The following ZBTB16 variants were observed in gnomAD, a reference collection of about 807,000 sequenced individuals.
ZBTB16 encodes the protein zinc finger and BTB domain containing 16.
A neutral mutation model predicts 56.8 loss-of-function variants in ZBTB16; 8 were observed. That is an observed-to-expected ratio of 0.14 (90% CI 0.08 to 0.25). The LOEUF is 0.25. ZBTB16 is among the 10% of genes least tolerant of loss of function. The probability of loss-of-function intolerance (pLI) is 1.00; values close to 1 mark genes in which losing one functional copy is unlikely to be tolerated. For synonymous variants in ZBTB16, 363 were observed against 368.5 expected (o/e 0.98, Z 0.17); for missense variants, 625 against 903.0 (o/e 0.69, Z 3.95).
In ZBTB16 at chr11:114,252,454, T is replaced by C. The variant is rs1026967538; in HGVS notation, c.*1899T>C. ...TTGTTTTTCTAAAAGCTACCTCTTATGTTTGTCCAGTTGTTCTTTTGTTCC... is the reference window on the plus strand; with the variant it reads ...TTGTTTTTCTAAAAGCTACCTCTTACGTTTGTCCAGTTGTTCTTTTGTTCC... On this transcript the variant is annotated 3_prime_UTR_variant, in exon 7 of 7. Transcript: ENST00000335953. Among the ~76,000 whole-genome samples the C allele has an allele frequency of 1.3e-5, 2 of 152,156 alleles. No homozygotes were observed. The highest frequency in any genetic ancestry group is 1.5e-5 in the Non-Finnish European group (1 of 67,988).
At chr11:114,214,957 G>T (rs1944067328) in intron 4 of ZBTB16, among the ~76,000 whole-genome samples, 1 of 151,676 alleles carries the variant, frequency 6.6e-6, no homozygotes, top group Non-Finnish European at 1.5e-5. Context: ...GGGGTGGAGG[G>T]ATTTGGAAGC....
intron 3 of ZBTB16, among the ~76,000 whole-genome samples, chr11:114,166,152 G>A (rs565277418): frequency 3.3e-5 from 5 of 151,776 alleles, no homozygotes; most frequent in Middle Eastern, 3.4e-3. Context: ...GCTCTCCTGC[G>A]TTCTTGGGGC....
intron 2 of ZBTB16, among the ~76,000 whole-genome samples, chr11:114,150,903 C>T (rs1388188783): frequency 6.6e-6 from 1 of 152,186 alleles, no homozygotes; most frequent in African/African-American, 2.4e-5. Flanking sequence ...GGGCCCAAGG[C>T]TGCATGTCAG....
At chr11:114,095,431 T>G (rs1292763245) in intron 2 of ZBTB16, among the ~76,000 whole-genome samples, 1 of 151,888 alleles carries the variant, frequency 6.6e-6, no homozygotes, top group Non-Finnish European at 1.5e-5. Flanking sequence ...CAGCTAATTT[T>G]TTGTATATTT....
chr11:114,192,175 C>A (rs1029255305), intron 4 of ZBTB16, among the ~76,000 whole-genome samples: 1 of 152,168 alleles, frequency 6.6e-6, no homozygotes, highest in African/African-American at 2.4e-5. Flanking sequence ...ATCTGAGTCT[C>A]AGTGTTCCTT....
At chr11:114,233,887 G>A (rs899888140) in intron 4 of ZBTB16, among the ~76,000 whole-genome samples, 1 of 152,156 alleles carries the variant, frequency 6.6e-6, no homozygotes, top group Non-Finnish European at 1.5e-5. Flanking sequence ...ACGGTTTTCC[G>A]GGAGCCAGCT....
chr11:114,199,076 C>T (rs1361175053), intron 4 of ZBTB16, among the ~76,000 whole-genome samples: 3 of 152,252 alleles, frequency 2.0e-5, no homozygotes, highest in South Asian at 2.1e-4. Context: ...GAGTGTTTCT[C>T]GATGCCAGAC....
intron 4 of ZBTB16, among the ~76,000 whole-genome samples, chr11:114,223,179 C>G (rs1273845899): frequency 6.6e-6 from 1 of 152,282 alleles, no homozygotes; most frequent in Middle Eastern, 3.4e-3. Flanking sequence ...TGAATGACTC[C>G]TCATCAGGAA....
chr11:114,192,908 GC>G (rs1161128165), intron 4 of ZBTB16, among the ~76,000 whole-genome samples: 2 of 152,236 alleles, frequency 1.3e-5, no homozygotes, highest in Non-Finnish European at 2.9e-5. Context: ...CAGGGAGCCA[GC>G]TGCCCTCTCA....
At chr11:114,066,276 T>C (rs1415298925) in intron 2 of ZBTB16, among the ~76,000 whole-genome samples, 1 of 152,180 alleles carries the variant, frequency 6.6e-6, no homozygotes, top group African/African-American at 2.4e-5. Context: ...GAGGCTTAAC[T>C]TGTGGAAAGT....
chr11:114,163,791 A>T (rs895345926), intron 3 of ZBTB16, among the ~76,000 whole-genome samples: 2 of 152,102 alleles, frequency 1.3e-5, no homozygotes, highest in African/African-American at 4.8e-5. Flanking sequence ...GGATCCCAGC[A>T]TCTCCTCCCA....
At chr11:114,155,454 G>A (rs1942385680) in intron 2 of ZBTB16, among the ~76,000 whole-genome samples, 1 of 146,706 alleles carries the variant, frequency 6.8e-6, no homozygotes, top group South Asian at 2.1e-4. Context: ...GGTGGGAGAG[G>A]CCCCGGGTTG....
chr11:114,063,707 C>A lies in ZBTB16; in HGVS notation c.407C>A (p.Thr136Asn), dbSNP rs772299551. ...TCAGACGACAATGACACGGAGGCCA[C>A]CATGGCCGATGGCGGGGCCGAGGAA... ...QASDDNDTEA[T>N]MADGGAEEEE... Residue 136 changes from threonine to asparagine, a missense_variant, in exon 2 of 7, where the codon ACC (threonine) becomes AAC (asparagine). Thr to Asn is a moderately conservative substitution (Grantham distance 65, BLOSUM62 0). Coordinates refer to ENST00000335953, the MANE Select transcript of ZBTB16 (RefSeq NM_006006.6). This position sits in a 1 kb window ranked among gnomAD's most constrained non-coding sequence, Gnocchi z 6.5. The A allele has an allele frequency of 6.2e-7, 1 of 1,614,090 alleles. No homozygotes were observed. Among genetic ancestry groups the A allele is most frequent in the Non-Finnish European group, 8.5e-7 (1 of 1,180,046 alleles).
Position 114,124,706 on chromosome 11 carries a change from G to A in ZBTB16, c.1269-31631G>A, listed in dbSNP as rs138628057. Among the ~76,000 whole-genome samples, 774 of 152,304 alleles carry A rather than the reference G, an allele frequency of 5.1e-3. 12 individuals carry two copies. Among genetic ancestry groups the A allele is most frequent in the African/African-American group, 0.016 (673 of 41,566 alleles). On this transcript the variant is annotated intron_variant, in intron 2 of 6. Coordinates refer to ENST00000335953, the MANE Select transcript of ZBTB16 (RefSeq NM_006006.6). The stretch of plus-strand genomic sequence containing the variant: ...CCTGAAACCTGAGCTTCATGTACCA[G>A]AAGGAGACAGTTAAGCCAAGTCAGG...
In ZBTB16 at chr11:114,063,085, C is replaced by A; in HGVS notation, c.-90-126C>A. 1.7e-6 allele frequency: 1 copy of A among 595,754 alleles called. No homozygotes were observed. 36.9% of individuals were successfully genotyped at this position (595,754 alleles called of 1,614,324 possible). On this transcript the variant is annotated intron_variant, in intron 1 of 6. Transcript: ENST00000335953. The surrounding 1 kb of genome is among the most constrained non-coding windows in gnomAD (Gnocchi z 6.5). Reference sequence around the variant, plus strand: ...AATTAAAATCTCTAAGATCCTCTTGCTAAGGGCTTGGCAACAGGGAGGAGG... The same window carrying A: ...AATTAAAATCTCTAAGATCCTCTTGATAAGGGCTTGGCAACAGGGAGGAGG...
At chr11:114,138,692 T>C (rs2852797) in intron 2 of ZBTB16, among the ~76,000 whole-genome samples, 8,089 of 149,910 alleles carry the variant, frequency 0.054, 321 homozygotes, top group South Asian at 0.12. Context: ...TTTTAAATTA[T>C]TTTTTATTTT....
At chr11:114,206,528 T>C (rs1244940888) in intron 4 of ZBTB16, among the ~76,000 whole-genome samples, 1 of 152,200 alleles carries the variant, frequency 6.6e-6, no homozygotes, top group Non-Finnish European at 1.5e-5. Context: ...AGTCAGGGTC[T>C]GCACCAGGGC....
chr11:114,207,108 T>C (rs546292452), intron 4 of ZBTB16, among the ~76,000 whole-genome samples: 3 of 152,180 alleles, frequency 2.0e-5, no homozygotes, highest in Non-Finnish European at 4.4e-5. Flanking sequence ...GTGCTTGGCC[T>C]CATGTGTTAC....
In ZBTB16 at chr11:114,083,724, G is replaced by A. The variant is rs74877559; in HGVS notation, c.1268+19156G>A. On this transcript the variant is annotated intron_variant, in intron 2 of 6. Transcript: ENST00000335953. ...CTTCCCCTTGGATCCCTCCACCCCC[G>A]CAGCCAGGAGAGGGAAGTAACTGTT... Among the ~76,000 whole-genome samples the A allele has an allele frequency of 2.8e-4, 43 of 152,154 alleles. No homozygotes were observed. The East Asian group carries it at 5.8e-3, about 20-fold the overall frequency.
Sources: allele counts gnomAD v4.1 joint callset (sites outside exome capture counted in the v4.1 genomes callset), GRCh38; gene constraint gnomAD v4.1.1; non-coding constraint Gnocchi (gnomAD v3.1); transcripts MANE v1.5; gene names NCBI Gene and HGNC (gene_info 2026-07-23, HGNC 2026-07-21).